ATP2A2: variants seen among roughly 807,000 people sequenced by gnomAD.
ATP2A2 encodes ATPase sarcoplasmic/endoplasmic reticulum Ca2+ transporting 2, also known as sarcoplasmic/endoplasmic reticulum calcium ATPase 2.
In ATP2A2, 14 loss-of-function variants were observed where a neutral mutation model predicts 109.3. The observed-to-expected ratio is 0.13, with a 90% CI of 0.08 to 0.20. ATP2A2 has a LOEUF of 0.20. Among genes scored for constraint, ATP2A2 ranks in the 10% least tolerant of loss-of-function variants. The pLI is 1.00. For missense variants in ATP2A2, 657 were observed against 1,321.6 expected (o/e 0.50, Z 7.80); for synonymous variants, 506 against 490.9 (o/e 1.03, Z -0.41).
chr12:110,323,387 G>T (rs1456488227), intron 6 of ATP2A2, among the ~76,000 whole-genome samples: 1 of 152,140 alleles, frequency 6.6e-6, no homozygotes, highest in South Asian at 2.1e-4. Flanking sequence ...GTTTTACCTT[G>T]TTGGTCAGGC....
chr12:110,288,361 G>A (rs1260619342), intron 3 of ATP2A2, among the ~76,000 whole-genome samples: 1 of 151,436 alleles, frequency 6.6e-6, no homozygotes, highest in Non-Finnish European at 1.5e-5. Flanking sequence ...AAAGCATTAG[G>A]ATTATAGGCA....
intron 8 of ATP2A2, 106 bp from the exon 9 acceptor site, chr12:110,332,491 A>G: frequency 1.0e-6 from 1 of 972,230 alleles, no homozygotes; most frequent in Non-Finnish European, 1.7e-6. Context: ...GTTTTCGTAA[A>G]TGAAAGAGGT....
Position 110,348,236 on chromosome 12 carries a change from C to G in ATP2A2, c.*1766C>G. On this transcript the variant is annotated 3_prime_UTR_variant, in exon 20 of 20. Coordinates refer to ENST00000539276, the MANE Select transcript of ATP2A2 (RefSeq NM_170665.4). ...AGTGAACTCTGGGTATCGATAGGTT[C>G]GTCTTAAATAGGCCACTTCCCCACT... is the stretch of plus-strand genomic sequence containing the variant. 1.0e-6 allele frequency: 1 copy of G among 985,324 alleles called. No individual in the cohort carries two copies. The highest frequency in any genetic ancestry group is 1.7e-5 in the African/African-American group (1 of 57,304). 61.0% of individuals were successfully genotyped at this position (985,324 alleles called of 1,614,324 possible).
chr12:110,334,263 A>G (rs1435226304), intron 11 of ATP2A2, 120 bp downstream of exon 11: 22 of 1,245,406 alleles, frequency 1.8e-5, no homozygotes, highest in Non-Finnish European at 2.1e-5. Context: ...TCAAACTTAC[A>G]GTATTTCCTT....
At position 110,350,116 on chromosome 12, in the gene ATP2A2, G is replaced by C; in HGVS notation, c.*3646G>C. The C allele has an allele frequency of 1.3e-6, 2 of 1,501,656 alleles. No individual in the cohort carries two copies. The highest frequency in any genetic ancestry group is 1.8e-6 in the Non-Finnish European group (2 of 1,128,106). The allele number at this position is 1,501,656 out of a possible 1,614,324, so 93.0% of individuals were successfully genotyped here. The stretch of plus-strand genomic sequence containing the variant: ...AGCCAGTGCTTCTAGATGCTACCCT[G>C]TGTGGGCGGCACCTCAGGGACAGTA... On this transcript the variant is annotated 3_prime_UTR_variant, in exon 20 of 20. Coordinates refer to ENST00000539276, the MANE Select transcript of ATP2A2 (RefSeq NM_170665.4).
intron 18 of ATP2A2, 21 bp from the exon 19 acceptor site, chr12:110,345,980 C>T: frequency 1.9e-6 from 3 of 1,613,158 alleles, no homozygotes; most frequent in Non-Finnish European, 2.5e-6. Context: ...GTGCGTTTCC[C>T]CACCTCTCCT....
At chr12:110,294,628 G>A (rs189008784) in intron 4 of ATP2A2, among the ~76,000 whole-genome samples, 79 of 152,142 alleles carry the variant, frequency 5.2e-4, no homozygotes, top group Admixed American at 9.2e-4. Context: ...GAGCCTGGGC[G>A]ACAGAGCTAG....
At chr12:110,324,542 C>T (rs1253645023) in intron 6 of ATP2A2, among the ~76,000 whole-genome samples, 2 of 152,158 alleles carry the variant, frequency 1.3e-5, no homozygotes, top group Non-Finnish European at 2.9e-5. Flanking sequence ...CTGCCTCAGC[C>T]ACCTGAGTGT....
intron 9 of ATP2A2, 44 bp from the exon 10 acceptor site, chr12:110,333,137 G>A (rs771997868): frequency 1.3e-6 from 2 of 1,522,622 alleles, no homozygotes; most frequent in South Asian, 2.2e-5. Context: ...GGAATCAATA[G>A]TGGCGACCAT....
Position 110,334,012 on chromosome 12 carries a change from G to T in ATP2A2, c.1288G>T (p.Ala430Ser). 2 of 1,614,030 alleles carry T rather than the reference G, an allele frequency of 1.2e-6. No homozygotes were observed. Among genetic ancestry groups the T allele is most frequent in the South Asian group, 2.2e-5 (2 of 91,078 alleles). The change falls in exon 11 of 20, where the codon GCA becomes TCA. Residue 430 changes from alanine to serine, a missense_variant and splice_region_variant. By Grantham distance (99) the Ala-to-Ser change is moderately conservative. Coordinates refer to ENST00000539276, the MANE Select transcript of ATP2A2 (RefSeq NM_170665.4). ...CTTTCTGTGCCTTTAACCAATACAG[G>T]CAAAGGGTGTGTATGAAAAAGTTGG... is the stretch of plus-strand genomic sequence containing the variant. The part of the protein sequence containing the change: ...CNDSALDYNE[A>S]KGVYEKVGEA...
chr12:110,323,155 C>T (rs1462674503), intron 6 of ATP2A2, 83 bp downstream of exon 6: 3 of 1,006,542 alleles, frequency 3.0e-6, no homozygotes, highest in Non-Finnish European at 4.8e-6. Flanking sequence ...GCCTCACTGT[C>T]CCTTTATGGT....
intron 10 of ATP2A2, 108 bp from the exon 11 acceptor site, chr12:110,333,904 T>TGTTGTAATAATGGCCTTACAGG: frequency 6.8e-7 from 1 of 1,466,062 alleles, no homozygotes; most frequent in Admixed American, 1.7e-5. Flanking sequence ...GGCCTTACAG[T>TGTTGTAATAATGGCCTTACAGG]GTTGTAATAG....
At chr12:110,324,292 C>A (rs1364582840) in intron 6 of ATP2A2, among the ~76,000 whole-genome samples, 1 of 152,010 alleles carries the variant, frequency 6.6e-6, no homozygotes, top group Non-Finnish European at 1.5e-5. Flanking sequence ...TTATAAATAG[C>A]TTACTTATTA....
intron 5 of ATP2A2, among the ~76,000 whole-genome samples, chr12:110,321,365 A>G (rs1031599834): frequency 3.3e-5 from 5 of 152,260 alleles, no homozygotes; most frequent in African/African-American, 1.2e-4. Flanking sequence ...TTAAAATGCC[A>G]TCTGCAAGTA....
Position 110,349,059 on chromosome 12 carries a change from CAGCCCACAGAGG to C in ATP2A2, c.*2596_*2607del. On this transcript the variant is annotated 3_prime_UTR_variant, in exon 20 of 20. Coordinates refer to ENST00000539276, the MANE Select transcript of ATP2A2 (RefSeq NM_170665.4). ...ATGGTTTCTCAGCTTCAGACCCCTC[CAGCCCACAGAGG>C]AGCCCATGGAGGGACCCACTTCCCT... 2 of 985,532 alleles carry C rather than the reference CAGCCCACAGAGG, an allele frequency of 2.0e-6. No individual in the cohort carries two copies. Among genetic ancestry groups the C allele is most frequent in the Non-Finnish European group, 2.4e-6 (2 of 830,006 alleles). 61.0% of individuals were successfully genotyped at this position (985,532 alleles called of 1,614,324 possible). A position where few individuals can be genotyped will look rare whatever the true frequency, so the allele number is the denominator to read the frequency against.
chr12:110,349,099 G>A lies in ATP2A2; in HGVS notation c.*2629G>A, dbSNP rs1473071545. On this transcript the variant is annotated 3_prime_UTR_variant, in exon 20 of 20. Coordinates refer to ENST00000539276, the MANE Select transcript of ATP2A2 (RefSeq NM_170665.4). ...CCCATGGAGGGACCCACTTCCCTTG[G>A]TCCAGACAGCTGGGAGTGGGTTAGG... 5.1e-6 allele frequency: 5 copies of A among 985,332 alleles called. No homozygotes were observed. The highest frequency in any genetic ancestry group is 6.0e-6 in the Non-Finnish European group (5 of 829,972). 61.0% of individuals were successfully genotyped at this position (985,332 alleles called of 1,614,324 possible).
rs1299698842 is a variant in ATP2A2 at position 110,347,450 on chromosome 12, CTGTGT to C, written c.*981_*985del. On this transcript the variant is annotated 3_prime_UTR_variant, in exon 20 of 20. Transcript: ENST00000539276. ...TGAGGGGAAGAAGGCTCCTGCTCTG[CTGTGT>C]AGGTAGTCATAGGAATTGTATTCTT... 29 of 1,288,974 alleles carry C rather than the reference CTGTGT, an allele frequency of 2.2e-5. No individual in the cohort carries two copies. Among genetic ancestry groups the C allele is most frequent in the Non-Finnish European group, 2.9e-5 (29 of 988,700 alleles). 79.8% of individuals were successfully genotyped at this position (1,288,974 alleles called of 1,614,324 possible). A position where few individuals can be genotyped will look rare whatever the true frequency, so the allele number is the denominator to read the frequency against.
intron 5 of ATP2A2, among the ~76,000 whole-genome samples, chr12:110,307,334 G>A (rs1875469626): frequency 6.7e-6 from 1 of 149,344 alleles, no homozygotes; most frequent in East Asian, 2.0e-4. Context: ...AGGCTCTAGT[G>A]ACCCTCCCAC....
At chr12:110,345,433 A>G (rs757723254) in intron 18 of ATP2A2, 51 bp downstream of exon 18, 27 of 1,611,680 alleles carry the variant, frequency 1.7e-5, no homozygotes, top group Non-Finnish European at 2.3e-5. Context: ...CTGCCAGGGC[A>G]CCGGGGAATT....
Sources: allele counts gnomAD v4.1 joint callset (sites outside exome capture counted in the v4.1 genomes callset), GRCh38; gene constraint gnomAD v4.1.1; transcripts MANE v1.5; gene names NCBI Gene and HGNC (gene_info 2026-07-23, HGNC 2026-07-21).